PDE4D: variants seen among roughly 807,000 people sequenced by gnomAD.
PDE4D encodes 3',5'-cyclic-AMP phosphodiesterase 4D.
In PDE4D, 24 loss-of-function variants were observed where a neutral mutation model predicts 87.4. The ratio of observed to expected loss-of-function variants is 0.27; its 90% CI spans 0.20 to 0.39. The LOEUF is 0.39. Ranked by LOEUF, PDE4D falls within the 10% of genes least tolerant of loss-of-function variation. The pLI is 1.00. For synonymous variants in PDE4D, 384 were observed against 383.2 expected (o/e 1.00, Z -0.02); for missense variants, 714 against 1,041.0 (o/e 0.69, Z 4.32).
At chr5:59,662,700 A>T (rs1316738872) in intron 1 of PDE4D, among the ~76,000 whole-genome samples, 1 of 152,242 alleles carries the variant, frequency 6.6e-6, no homozygotes, top group Non-Finnish European at 1.5e-5. Context: ...AATGAAAATA[A>T]TTTGAATAAT....
intron 1 of PDE4D, among the ~76,000 whole-genome samples, chr5:60,341,574 C>T (rs917802172): frequency 3.3e-5 from 5 of 152,164 alleles, no homozygotes; most frequent in Non-Finnish European, 5.9e-5. Flanking sequence ...TGTAGACAAG[C>T]CAAATGCCAA....
At chr5:59,436,332 G>T (rs2153634012) in intron 1 of PDE4D, among the ~76,000 whole-genome samples, 1 of 152,132 alleles carries the variant, frequency 6.6e-6, no homozygotes, top group Admixed American at 6.5e-5. Flanking sequence ...TTAAAATAAG[G>T]AATAGCCAAT....
At chr5:59,248,569 A>C (rs1196917396) in intron 1 of PDE4D, among the ~76,000 whole-genome samples, 1 of 152,184 alleles carries the variant, frequency 6.6e-6, no homozygotes, top group Non-Finnish European at 1.5e-5. Context: ...AAATGGCTAC[A>C]AGCAATAAAA....
At chr5:59,018,519 T>C (rs549671854) in intron 6 of PDE4D, among the ~76,000 whole-genome samples, 7 of 152,304 alleles carry the variant, frequency 4.6e-5, no homozygotes, top group Non-Finnish European at 7.4e-5. Flanking sequence ...GCTCAAGGAT[T>C]AAGATCCTTA....
chr5:59,700,221 C>A (rs1337562110), intron 1 of PDE4D, among the ~76,000 whole-genome samples: 1 of 152,140 alleles, frequency 6.6e-6, no homozygotes, highest in African/African-American at 2.4e-5. Context: ...AAAGTGAAAT[C>A]AATTAATTGC....
chr5:59,236,509 AT>A (rs1252665272), intron 1 of PDE4D, among the ~76,000 whole-genome samples: 1 of 152,114 alleles, frequency 6.6e-6, no homozygotes, highest in Non-Finnish European at 1.5e-5. Flanking sequence ...TGTCATAGCT[AT>A]TTGATGTGTT....
At chr5:60,391,556 T>G (rs1221868614) in intron 1 of PDE4D, among the ~76,000 whole-genome samples, 1 of 152,184 alleles carries the variant, frequency 6.6e-6, no homozygotes, top group Non-Finnish European at 1.5e-5. Flanking sequence ...GGCCCTTTTT[T>G]CCATTTTTAA....
At chr5:59,358,355 G>A (rs188390716) in intron 1 of PDE4D, among the ~76,000 whole-genome samples, 21 of 152,264 alleles carry the variant, frequency 1.4e-4, no homozygotes, top group African/African-American at 4.8e-4. Context: ...GAATCAACTT[G>A]CAATATTGTA....
At chr5:59,884,083 A>C (rs948620087) in intron 1 of PDE4D, among the ~76,000 whole-genome samples, 2 of 152,110 alleles carry the variant, frequency 1.3e-5, no homozygotes, top group African/African-American at 2.4e-5. Context: ...AGAGAAGAGA[A>C]CATAAAACAA....
At chr5:58,994,027 A>T (rs1748571764) in intron 6 of PDE4D, among the ~76,000 whole-genome samples, 1 of 152,208 alleles carries the variant, frequency 6.6e-6, no homozygotes, top group Non-Finnish European at 1.5e-5. Flanking sequence ...TTTACTCCAA[A>T]GCAAAACTTA....
chr5:59,135,482 T>G (rs1201474010), intron 5 of PDE4D, among the ~76,000 whole-genome samples: 1 of 152,152 alleles, frequency 6.6e-6, no homozygotes, highest in Non-Finnish European at 1.5e-5. Flanking sequence ...TTACTTGGAA[T>G]GAAAAAAGTA....
At chr5:59,831,875 C>T (rs1454234018) in intron 1 of PDE4D, among the ~76,000 whole-genome samples, 1 of 152,048 alleles carries the variant, frequency 6.6e-6, no homozygotes, top group Non-Finnish European at 1.5e-5. Flanking sequence ...AAAAGAAGAG[C>T]TTTGACTATG....
At chr5:60,064,503 G>A (rs1396043822) in intron 2 of PDE4D, among the ~76,000 whole-genome samples, 1 of 152,018 alleles carries the variant, frequency 6.6e-6, no homozygotes, top group Non-Finnish European at 1.5e-5. Flanking sequence ...TTAATGATAG[G>A]TGCAGGCAGC....
chr5:59,222,736 A>T (rs1157198990), intron 1 of PDE4D, among the ~76,000 whole-genome samples: 2 of 152,218 alleles, frequency 1.3e-5, no homozygotes, highest in African/African-American at 4.8e-5. Flanking sequence ...CACAGGTTAA[A>T]TTTGAAATCT....
At chr5:59,462,990 A>G (rs1158833406) in intron 1 of PDE4D, among the ~76,000 whole-genome samples, 1 of 152,158 alleles carries the variant, frequency 6.6e-6, no homozygotes, top group East Asian at 1.9e-4. Flanking sequence ...TTTATTCCTG[A>G]ATCCTTTACA....
intron 1 of PDE4D, among the ~76,000 whole-genome samples, chr5:60,413,774 C>T (rs967628341): frequency 1.3e-5 from 2 of 148,552 alleles, no homozygotes; most frequent in Admixed American, 6.7e-5. Context: ...GTATCATTGA[C>T]TTACATTGGG....
chr5:59,267,568 T>A (rs1011846647), intron 1 of PDE4D, among the ~76,000 whole-genome samples: 1 of 152,026 alleles, frequency 6.6e-6, no homozygotes, highest in Non-Finnish European at 1.5e-5. Flanking sequence ...TATTTTGCAA[T>A]ATGAAATGAA....
chr5:60,300,509 C>A (rs972043103), intron 1 of PDE4D, among the ~76,000 whole-genome samples: 1 of 152,028 alleles, frequency 6.6e-6, no homozygotes, highest in Non-Finnish European at 1.5e-5. Context: ...CCTAGATTTT[C>A]TTCTAGGGTT....
intron 2 of PDE4D, among the ~76,000 whole-genome samples, chr5:60,160,607 AATCT>A (rs1316176892): frequency 2.0e-5 from 3 of 152,118 alleles, no homozygotes; most frequent in African/African-American, 7.2e-5. Flanking sequence ...CTTCCTTTCT[AATCT>A]ATCAAATCTC....
Sources: allele counts gnomAD v4.1 joint callset (sites outside exome capture counted in the v4.1 genomes callset), GRCh38; gene constraint gnomAD v4.1.1; transcripts MANE v1.5; gene names NCBI Gene and HGNC (gene_info 2026-07-23, HGNC 2026-07-21).